Variants in PTPRD observed in about 807,000 individuals in gnomAD.
PTPRD encodes the protein protein tyrosine phosphatase receptor type D.
Under a neutral mutation model 214.5 loss-of-function variants are expected in PTPRD, and 34 were observed. The ratio of observed to expected loss-of-function variants is 0.16; its 90% CI spans 0.12 to 0.21. The LOEUF (loss-of-function observed/expected upper bound fraction) is 0.21. Ranked by LOEUF, PTPRD falls within the 10% of genes least tolerant of loss-of-function variation. The probability of loss-of-function intolerance (pLI) is 1.00; values close to 1 mark genes in which losing one functional copy is unlikely to be tolerated. For missense variants in PTPRD, 2,545 were observed against 2,398.7 expected, an observed-to-expected ratio of 1.06 and a Z score of -1.27; for synonymous variants, 1,128 against 845.7, an observed-to-expected ratio of 1.33 and a Z score of -5.79.
At chr9:9,717,132 G>C (rs377328731) in intron 7 of PTPRD, among the ~76,000 whole-genome samples, 13 of 151,932 alleles carry the variant, frequency 8.6e-5, no homozygotes, top group South Asian at 6.2e-4. Context: ...GCTTGTTTTT[G>C]TCAGGTTTGT....
At chr9:8,701,855 C>T (rs1265025326) in intron 12 of PTPRD, among the ~76,000 whole-genome samples, 1 of 152,122 alleles carries the variant, frequency 6.6e-6, no homozygotes, top group Admixed American at 6.5e-5. Flanking sequence ...GTTTGTTTCT[C>T]TAAACTATAC....
At chr9:9,553,556 T>C (rs2080836488) in intron 8 of PTPRD, among the ~76,000 whole-genome samples, 1 of 152,036 alleles carries the variant, frequency 6.6e-6, no homozygotes, top group Non-Finnish European at 1.5e-5. Context: ...AAGATCATGC[T>C]CTTTCTACAG....
chr9:8,355,025 C>T (rs992900416), intron 39 of PTPRD, among the ~76,000 whole-genome samples: 2 of 152,072 alleles, frequency 1.3e-5, no homozygotes, highest in African/African-American at 4.8e-5. Flanking sequence ...GTGTACCCTC[C>T]AAATCTCATG....
chr9:8,554,370 A>G (rs2083073141), intron 14 of PTPRD, among the ~76,000 whole-genome samples: 1 of 152,248 alleles, frequency 6.6e-6, no homozygotes, highest in African/African-American at 2.4e-5. Flanking sequence ...AATTGATTTT[A>G]ATATAGAAAT....
chr9:9,417,106 A>G (rs2077218097), intron 8 of PTPRD, among the ~76,000 whole-genome samples: 2 of 152,122 alleles, frequency 1.3e-5, no homozygotes, highest in Non-Finnish European at 1.5e-5. Context: ...CTGTTATCCC[A>G]TTCTTTGGCG....
chr9:8,887,716 A>G (rs1456953449), intron 11 of PTPRD, among the ~76,000 whole-genome samples: 1 of 152,248 alleles, frequency 6.6e-6, no homozygotes, highest in Admixed American at 6.5e-5. Flanking sequence ...AATGAAATCT[A>G]CACTTGCAGA....
intron 12 of PTPRD, among the ~76,000 whole-genome samples, chr9:8,711,582 T>A (rs1436090338): frequency 6.6e-6 from 1 of 152,132 alleles, no homozygotes; most frequent in Non-Finnish European, 1.5e-5. Flanking sequence ...AGATCACGTC[T>A]CCAAGCAATA....
intron 10 of PTPRD, among the ~76,000 whole-genome samples, chr9:9,161,275 T>C (rs562544000): frequency 6.8e-4 from 104 of 152,266 alleles, no homozygotes; most frequent in African/African-American, 2.1e-3. Flanking sequence ...TATATGTATA[T>C]CAAAACATCA....
At chr9:8,411,355 G>A (rs915000325) in intron 35 of PTPRD, among the ~76,000 whole-genome samples, 3 of 151,920 alleles carry the variant, frequency 2.0e-5, no homozygotes, top group Admixed American at 6.6e-5. Flanking sequence ...CCAGGCTGAA[G>A]TGCAATGGCG....
intron 3 of PTPRD, among the ~76,000 whole-genome samples, chr9:10,054,750 C>T (rs979892836): frequency 6.6e-6 from 1 of 152,088 alleles, no homozygotes; most frequent in Non-Finnish European, 1.5e-5. Context: ...ATTTAAAAAT[C>T]CTCCTACCTT....
chr9:8,617,021 C>A (rs190173997), intron 14 of PTPRD, among the ~76,000 whole-genome samples: 4 of 152,194 alleles, frequency 2.6e-5, no homozygotes, highest in South Asian at 4.1e-4. Context: ...GTGAGTACAA[C>A]CGTACTCTAC....
intron 3 of PTPRD, among the ~76,000 whole-genome samples, chr9:10,063,792 G>C (rs981192871): frequency 1.3e-5 from 2 of 151,982 alleles, no homozygotes; most frequent in South Asian, 4.1e-4. Context: ...GAGGTAACTG[G>C]ACTGTGAAAC....
chr9:8,414,933 GA>G (rs1564641403), intron 35 of PTPRD, among the ~76,000 whole-genome samples: 93 of 30,506 alleles, frequency 3.0e-3, no homozygotes, highest in East Asian at 6.5e-3. Flanking sequence ...GGGAGGGGGA[GA>G]GAGAGAGAGA....
At chr9:10,211,598 C>G (rs756599056) in intron 3 of PTPRD, among the ~76,000 whole-genome samples, 1 of 152,136 alleles carries the variant, frequency 6.6e-6, no homozygotes, top group African/African-American at 2.4e-5. Context: ...CAGAGGAACT[C>G]GTTAAAGATA....
intron 2 of PTPRD, among the ~76,000 whole-genome samples, chr9:10,602,296 A>G (rs1567161037): frequency 6.6e-6 from 1 of 151,886 alleles, no homozygotes. Flanking sequence ...ATAATTTCAT[A>G]TAACAAAGAC....
At chr9:9,388,869 C>G (rs2064827212) in intron 9 of PTPRD, among the ~76,000 whole-genome samples, 2 of 151,904 alleles carry the variant, frequency 1.3e-5, no homozygotes, top group Non-Finnish European at 2.9e-5. Context: ...TAAGGGAATG[C>G]AATAATATTG....
intron 3 of PTPRD, among the ~76,000 whole-genome samples, chr9:10,263,464 A>G (rs549890651): frequency 6.6e-6 from 1 of 152,230 alleles, no homozygotes; most frequent in Non-Finnish European, 1.5e-5. Context: ...GTGGTCTCAG[A>G]TGGAGATGAG....
chr9:9,889,788 AGTGTGTGTGTGT>A (rs138586181), intron 5 of PTPRD, among the ~76,000 whole-genome samples: 1 of 146,216 alleles, frequency 6.8e-6, no homozygotes, highest in Admixed American at 6.8e-5. Flanking sequence ...GTTCCTGCTG[AGTGTGTGTGTGT>A]GTGTGTGTGT....
At chr9:8,375,159 A>C (rs1338539676) in intron 39 of PTPRD, among the ~76,000 whole-genome samples, 6 of 151,958 alleles carry the variant, frequency 3.9e-5, no homozygotes, top group African/African-American at 1.4e-4. Flanking sequence ...ATAGTAATAA[A>C]TAGACTCTGA....
Sources: allele counts gnomAD v4.1 joint callset (sites outside exome capture counted in the v4.1 genomes callset), GRCh38; gene constraint gnomAD v4.1.1; transcripts MANE v1.5; gene names NCBI Gene and HGNC (gene_info 2026-07-23, HGNC 2026-07-21).